Variants in NEK11 observed in about 807,000 individuals in gnomAD.
NEK11 encodes serine/threonine-protein kinase Nek11.
NEK11 carries 72 observed loss-of-function variants against 80.7 expected under a neutral mutation model. The ratio of observed to expected loss-of-function variants is 0.89; its 90% CI spans 0.74 to 1.08. NEK11 has a LOEUF of 1.08. Among genes scored for constraint, NEK11 ranks in the 50% least tolerant of loss-of-function variants. NEK11 has a pLI of 0.00. For synonymous variants in NEK11, 251 were observed against 260.7 expected, an observed-to-expected ratio of 0.96 and a Z score of 0.36; for missense variants, 764 against 763.6, an observed-to-expected ratio of 1.00 and a Z score of -0.01.
chr3:131,043,670 A>G (rs980979375), intron 3 of NEK11, among the ~76,000 whole-genome samples: 2 of 152,224 alleles, frequency 1.3e-5, no homozygotes, highest in Non-Finnish European at 2.9e-5. Context: ...GGAGAATGGA[A>G]CCAAGTTGGA....
At chr3:131,225,240 G>C (rs1315483367) in intron 14 of NEK11, among the ~76,000 whole-genome samples, 1 of 152,162 alleles carries the variant, frequency 6.6e-6, no homozygotes, top group Non-Finnish European at 1.5e-5. Context: ...TATTACAATT[G>C]TCTACAGTAT....
intron 14 of NEK11, among the ~76,000 whole-genome samples, chr3:131,196,189 T>A (rs2094002664): frequency 6.6e-6 from 1 of 152,086 alleles, no homozygotes; most frequent in African/African-American, 2.4e-5. Flanking sequence ...GATAAGCAGA[T>A]CAATGGAGCA....
chr3:131,289,896 G>A (rs2096526052), intron 17 of NEK11, among the ~76,000 whole-genome samples: 1 of 152,178 alleles, frequency 6.6e-6, no homozygotes, highest in African/African-American at 2.4e-5. Context: ...GGAAAAAGCA[G>A]GCCCATCTTT....
intron 14 of NEK11, among the ~76,000 whole-genome samples, chr3:131,227,619 G>GA (rs1261702260): frequency 6.6e-6 from 1 of 152,122 alleles, no homozygotes; most frequent in Non-Finnish European, 1.5e-5. Flanking sequence ...CAATTTGGAA[G>GA]AAAAATTTTA....
intron 16 of NEK11, among the ~76,000 whole-genome samples, chr3:131,259,928 C>T (rs1431122049): frequency 6.6e-6 from 1 of 152,058 alleles, no homozygotes; most frequent in East Asian, 1.9e-4. Flanking sequence ...CAGAGACTAC[C>T]CTGTTTTGCA....
At chr3:131,255,077 AAG>A (rs2095786255) in intron 16 of NEK11, among the ~76,000 whole-genome samples, 11 of 116,628 alleles carry the variant, frequency 9.4e-5, no homozygotes, top group Middle Eastern at 4.1e-3. Flanking sequence ...AGACAGAAAG[AAG>A]GAAAGAAAGA....
chr3:131,271,929 T>C (rs2096196434), intron 16 of NEK11, among the ~76,000 whole-genome samples: 1 of 151,582 alleles, frequency 6.6e-6, no homozygotes, highest in Admixed American at 6.6e-5. Context: ...GGAGATAACC[T>C]GTCTCTACTA....
chr3:131,279,378 A>G (rs539920513), intron 17 of NEK11, among the ~76,000 whole-genome samples: 15 of 152,184 alleles, frequency 9.9e-5, no homozygotes, highest in Non-Finnish European at 1.6e-4. Context: ...CTTATTTTCC[A>G]TTTATTTTAA....
chr3:131,154,137 A>C (rs1240562446), intron 9 of NEK11, among the ~76,000 whole-genome samples: 1 of 152,142 alleles, frequency 6.6e-6, no homozygotes, highest in Non-Finnish European at 1.5e-5. Flanking sequence ...AGAGGGAGGC[A>C]GGCTTAGGTT....
At position 131,118,104 on chromosome 3, in the gene NEK11, G is replaced by A. The variant is rs193146002; in HGVS notation, c.455+8183G>A. On this transcript the variant is annotated intron_variant, in intron 5 of 17. Transcript: ENST00000383366. ...TTGCCCATTCAGTATGATATTGGCT[G>A]TGGGTTTGTCCTAAATAGCTCTTAT... is the stretch of plus-strand genomic sequence containing the variant. 8.1e-3 allele frequency among the ~76,000 whole-genome samples: 1,235 copies of A among 152,238 alleles called. 21 individuals are homozygous for A. The highest frequency in any genetic ancestry group is 0.028 in the African/African-American group (1,170 of 41,536).
intron 4 of NEK11, among the ~76,000 whole-genome samples, chr3:131,098,379 T>C (rs903093366): frequency 5.9e-5 from 9 of 152,148 alleles, no homozygotes; most frequent in Non-Finnish European, 1.3e-4. Flanking sequence ...ACCTACAAAA[T>C]TGGAGAAAAT....
At chr3:131,062,740 A>G (rs2071121414) in intron 3 of NEK11, among the ~76,000 whole-genome samples, 1 of 152,238 alleles carries the variant, frequency 6.6e-6, no homozygotes, top group Non-Finnish European at 1.5e-5. Context: ...CCACAGCCTG[A>G]TTAAACAAGT....
chr3:131,162,068 T>C (rs2091663995), intron 10 of NEK11, among the ~76,000 whole-genome samples: 1 of 152,160 alleles, frequency 6.6e-6, no homozygotes, highest in Non-Finnish European at 1.5e-5. Context: ...GATTATGTGT[T>C]TTATCCACAT....
chr3:131,242,938 T>C (rs1016870218), intron 15 of NEK11, among the ~76,000 whole-genome samples: 3 of 152,006 alleles, frequency 2.0e-5, no homozygotes, highest in African/African-American at 7.2e-5. Context: ...AAATGACGAG[T>C]GGTATTCTTA....
intron 16 of NEK11, among the ~76,000 whole-genome samples, chr3:131,260,295 GGGCTCT>G (rs1299559062): frequency 6.6e-6 from 1 of 151,998 alleles, no homozygotes; most frequent in African/African-American, 2.4e-5. Context: ...GTTCTAGTCT[GGGCTCT>G]GCCCCTTTCT....
intron 5 of NEK11, among the ~76,000 whole-genome samples, chr3:131,114,835 C>T (rs968677560): frequency 3.9e-5 from 6 of 152,126 alleles, no homozygotes; most frequent in African/African-American, 1.4e-4. Flanking sequence ...ATATGATCTA[C>T]AGTATATATT....
chr3:131,252,705 G>A (rs149475872), intron 16 of NEK11, among the ~76,000 whole-genome samples: 478 of 152,104 alleles, frequency 3.1e-3, no homozygotes, highest in Non-Finnish European at 5.0e-3. Flanking sequence ...TTACCTAGAG[G>A]GCTTAAAATA....
intron 17 of NEK11, among the ~76,000 whole-genome samples, chr3:131,316,186 AC>A (rs1171717522): frequency 6.6e-6 from 1 of 152,246 alleles, no homozygotes; most frequent in Admixed American, 6.5e-5. Context: ...CTTAAACAGA[AC>A]TTTTTATTTC....
chr3:131,059,654 C>T (rs1307657216), intron 3 of NEK11, among the ~76,000 whole-genome samples: 1 of 152,158 alleles, frequency 6.6e-6, no homozygotes, highest in Admixed American at 6.5e-5. Context: ...TCAAAGTATG[C>T]ACACAATTGA....
Sources: gnomAD v4.1 joint callset for allele counts (sites outside exome capture counted in the v4.1 genomes callset) on GRCh38, gnomAD v4.1.1 for gene constraint, MANE v1.5 for transcripts, NCBI Gene and HGNC (gene_info 2026-07-23, HGNC 2026-07-21) for gene names.